The following ZNF888 variants were observed in gnomAD, a reference collection of about 807,000 sequenced individuals.
The protein encoded by ZNF888 is zinc finger protein 888.
ZNF888 carries 5 observed loss-of-function variants against 7.2 expected under a neutral mutation model. The observed-to-expected ratio is 0.70, with a 90% confidence interval of 0.36 to 1.46. ZNF888 has a LOEUF of 1.46. ZNF888 is among the 40% of genes most tolerant of loss of function. The pLI is 0.03. For synonymous variants in ZNF888, 240 were observed against 284.3 expected (o/e 0.84, Z 1.57); for missense variants, 716 against 858.0 (o/e 0.83, Z 2.07).
rs1423230213 is a variant in ZNF888, at chr19:52,919,956, T to C, written c.-177-1019A>G. On this transcript the variant is annotated intron_variant, in intron 1 of 4. Transcript: ENST00000638862. The stretch of plus-strand genomic sequence containing the variant: ...CCGTCTGGGAAGTGAGGAGCCCCTC[T>C]GCCCGGCCAGCCGCCCCGTCCGGGA... 7.3e-4 allele frequency among the ~76,000 whole-genome samples: 38 copies of C among 51,772 alleles called. 1 individual carries two copies. Among genetic ancestry groups the C allele is most frequent in the African/African-American group, 1.2e-3 (14 of 11,938 alleles). The allele number at this position is 51,772 out of a possible 152,430, so 34.0% of individuals were successfully genotyped here. A position where few individuals can be genotyped will look rare whatever the true frequency, so the allele number is the denominator to read the frequency against.
Position 52,921,995 on chromosome 19 carries a change from A to C in ZNF888, c.-178+1374T>G, listed in dbSNP as rs1163442824. 3.9e-5 allele frequency among the ~76,000 whole-genome samples: 6 copies of C among 152,282 alleles called. No individual in the cohort carries two copies. The East Asian group carries it at 1.2e-3, about 29-fold the overall frequency. ...GGAAAGAGAGTCAGCTGTTGAACTA[A>C]GACAGAAGTAACTTTTTTCATTCAA... On this transcript the variant is annotated intron_variant, in intron 1 of 4. Coordinates refer to ENST00000638862, the MANE Select transcript of ZNF888 (RefSeq NM_001393938.1).
chr19:52,922,776 A>G (rs1212457272), intron 1 of ZNF888, among the ~76,000 whole-genome samples: 1 of 152,140 alleles, frequency 6.6e-6, no homozygotes, highest in African/African-American at 2.4e-5. Flanking sequence ...CGCATTTTCC[A>G]GGGGCTGGAG....
intron 1 of ZNF888, among the ~76,000 whole-genome samples, chr19:52,922,176 T>C (rs2064828505): frequency 6.6e-6 from 1 of 152,050 alleles, no homozygotes; most frequent in Non-Finnish European, 1.5e-5. Flanking sequence ...TTAGCTGGAC[T>C]CCATCCACAG....
intron 1 of ZNF888, among the ~76,000 whole-genome samples, chr19:52,920,533 G>GAA (rs1175516942): frequency 1.2e-4 from 3 of 24,812 alleles, no homozygotes; most frequent in African/African-American, 4.0e-4. Flanking sequence ...AAAAGAAAAG[G>GAA]AAAAAAAAAA....
intron 4 of ZNF888, among the ~76,000 whole-genome samples, chr19:52,912,553 A>C (rs1297548248): frequency 1.8e-5 from 2 of 111,974 alleles, no homozygotes; most frequent in Admixed American, 2.1e-4. Flanking sequence ...CTGAAACCCC[A>C]TCTCTACTAA....
intron 4 of ZNF888, 48 bp from the exon 5 acceptor site, chr19:52,908,227 T>A: frequency 6.5e-7 from 1 of 1,533,926 alleles, no homozygotes; most frequent in Non-Finnish European, 9.0e-7. Context: ...ACAGATAATA[T>A]ATAATACTGA....
At chr19:52,914,841 A>ATT in intron 4 of ZNF888, among the ~76,000 whole-genome samples, 1 of 152,032 alleles carries the variant, frequency 6.6e-6, no homozygotes, top group East Asian at 1.9e-4. Context: ...TAATTTTTGT[A>ATT]TTTTTAGTAG....
intron 1 of ZNF888, among the ~76,000 whole-genome samples, chr19:52,922,378 T>G (rs1431678007): frequency 3.3e-5 from 5 of 151,998 alleles, no homozygotes; most frequent in Non-Finnish European, 5.9e-5. Flanking sequence ...TCTCCCTCTG[T>G]TCTCCTTGCC....
chr19:52,920,750 T>C lies in ZNF888; in HGVS notation c.-177-1813A>G, dbSNP rs1188412304. Among the ~76,000 whole-genome samples, 2 of 62,224 alleles carry C rather than the reference T, an allele frequency of 3.2e-5. 1 individual carries two copies. 40.8% of individuals were successfully genotyped at this position (62,224 alleles called of 152,430 possible). A position where few individuals can be genotyped will look rare whatever the true frequency, so the allele number is the denominator to read the frequency against. Reference sequence around the variant, plus strand: ...GAGGCCTGCCCACCACCCCTTTGAGTTGTCTCGCCCTTCTGGACCAAACAA... The same window carrying C: ...GAGGCCTGCCCACCACCCCTTTGAGCTGTCTCGCCCTTCTGGACCAAACAA... On this transcript the variant is annotated intron_variant, in intron 1 of 4. Coordinates refer to ENST00000638862, the MANE Select transcript of ZNF888 (RefSeq NM_001393938.1).
chr19:52,913,062 G>A (rs1001985943), intron 4 of ZNF888, among the ~76,000 whole-genome samples: 6 of 152,090 alleles, frequency 3.9e-5, no homozygotes, highest in South Asian at 2.1e-4. Context: ...AGCCAAGATC[G>A]CAACATTACA....
At position 52,907,167 on chromosome 19, in the gene ZNF888, C is replaced by A; in HGVS notation, c.1155G>T (p.Lys385Asn). ...IHTGEKPYKC[K>N]VCDKAFRHDS... ...CATGTCTGAAAGCCTTGTCACAAAC[C>A]TTACATTTGTATGGTTTCTCACCAG... The change falls in exon 5 of 5, where the codon AAG becomes AAT. Residue 385 changes from lysine to asparagine, a missense_variant. Lys to Asn is a moderately conservative substitution (Grantham distance 94). Transcript: ENST00000638862. 1 of 1,611,868 alleles carries A rather than the reference C, an allele frequency of 6.2e-7. No individual in the cohort carries two copies. The highest frequency in any genetic ancestry group is 2.2e-5 in the East Asian group (1 of 44,750).
rs1438594019 is a variant in ZNF888, at chr19:52,907,700, G to A, written c.622C>T (p.His208Tyr). 2.5e-6 allele frequency: 4 copies of A among 1,611,306 alleles called. No individual in the cohort carries two copies. The highest frequency in any genetic ancestry group is 2.7e-5 in the African/African-American group (2 of 74,728). ...SSLLTQKQDV[H>Y]RKEKSFQFNE... ...AATTGGAAAGATTTTTCTTTCCTGT[G>A]TACATCCTGTTTCTGTGTGAGTAAT... Residue 208 changes from histidine to tyrosine, a missense_variant, in exon 5 of 5, where the codon CAC (histidine) becomes TAC (tyrosine). By Grantham distance (83) the His-to-Tyr change is moderately conservative (BLOSUM62 2). Transcript: ENST00000638862.
intron 4 of ZNF888, among the ~76,000 whole-genome samples, chr19:52,911,446 C>T (rs1318713282): frequency 6.6e-6 from 1 of 151,758 alleles, no homozygotes; most frequent in African/African-American, 2.4e-5. Context: ...TCACGCCATT[C>T]TCCTGCCTCA....
In ZNF888 at chr19:52,919,559, C is replaced by A. The variant is rs1395744871; in HGVS notation, c.-177-622G>T. Among the ~76,000 whole-genome samples, 6 of 71,992 alleles carry A rather than the reference C, an allele frequency of 8.3e-5. 3 individuals are homozygous for A. The highest frequency in any genetic ancestry group is 2.0e-4 in the Non-Finnish European group (6 of 29,876). The allele number at this position is 71,992 out of a possible 152,430, so 47.2% of individuals were successfully genotyped here. On this transcript the variant is annotated intron_variant, in intron 1 of 4. Transcript: ENST00000638862. ...TTGGCCCCCCAAAGTGCCGAGATTGCAGGCTCTGCCCAGCCGCCACCCCAT... is the reference window on the plus strand; with the variant it reads ...TTGGCCCCCCAAAGTGCCGAGATTGAAGGCTCTGCCCAGCCGCCACCCCAT...
chr19:52,917,711 G>A (rs951036685), intron 3 of ZNF888, 148 bp downstream of exon 3: 2 of 1,433,060 alleles, frequency 1.4e-6, no homozygotes, highest in Admixed American at 1.7e-5. Flanking sequence ...GAATCTAGGT[G>A]AGATGAGAGG....
chr19:52,911,066 A>G (rs1052913223), intron 4 of ZNF888, among the ~76,000 whole-genome samples: 1 of 152,146 alleles, frequency 6.6e-6, no homozygotes, highest in Non-Finnish European at 1.5e-5. Context: ...TTTAGTAGAC[A>G]CGGGATTTCA....
chr19:52,906,400 T>C lies in ZNF888; in HGVS notation c.1922A>G (p.Lys641Arg). The change falls in exon 5 of 5, where the codon AAG becomes AGG. Residue 641 changes from lysine to arginine, a missense_variant. Around this residue, in one of 2 missense-constraint regions of ZNF888, gnomAD observed 697 missense variants for 803.4 expected, o/e 0.87. Coordinates refer to ENST00000638862, the MANE Select transcript of ZNF888 (RefSeq NM_001393938.1). ...EKPYKCRVCD[K>R]AFGRDSYLAQ... is the part of the protein sequence containing the mutation. Reference sequence around the variant, plus strand: ...AAGGTATGAATCACGCCCAAAAGCCTTGTCGCAAACCCTACATTTGTATGG... The same window carrying C: ...AAGGTATGAATCACGCCCAAAAGCCCTGTCGCAAACCCTACATTTGTATGG... 6.2e-7 allele frequency: 1 copy of C among 1,613,178 alleles called. No individual in the cohort carries two copies. Among genetic ancestry groups the C allele is most frequent in the South Asian group, 1.1e-5 (1 of 90,974 alleles).
intron 2 of ZNF888, 52 bp from the exon 3 acceptor site, chr19:52,917,983 C>A: frequency 6.3e-7 from 1 of 1,583,012 alleles, no homozygotes; most frequent in South Asian, 1.1e-5. Flanking sequence ...TGCTCAGAGT[C>A]AACATACCCC....
chr19:52,913,861 C>T (rs1337223528), intron 4 of ZNF888: 1 of 530,424 alleles, frequency 1.9e-6, no homozygotes, highest in Admixed American at 6.4e-5. Context: ...CATGGTGGCT[C>T]ACGCCTGTAA....
Sources: gnomAD v4.1 joint callset for allele counts (sites outside exome capture counted in the v4.1 genomes callset) on GRCh38, gnomAD v4.1.1 for gene constraint, gnomAD v4.1.1 regional missense constraint, MANE v1.5 for transcripts, NCBI Gene and HGNC (gene_info 2026-07-23, HGNC 2026-07-21) for gene names.